The following MAP4K3 variants were observed in gnomAD, a reference collection of about 807,000 sequenced individuals.
MAP4K3 encodes MAPK/ERK kinase kinase kinase 3.
Under a neutral mutation model 143.5 loss-of-function variants are expected in MAP4K3, and 94 were observed. The observed-to-expected ratio is 0.65, with a 90% CI of 0.55 to 0.78. The LOEUF (loss-of-function observed/expected upper bound fraction) is 0.78. Among genes scored for constraint, MAP4K3 ranks in the 30% least tolerant of loss-of-function variants. The probability of loss-of-function intolerance (pLI) is 0.00; values close to 1 mark genes in which losing one functional copy is unlikely to be tolerated. For synonymous variants in MAP4K3, 416 were observed against 347.2 expected (o/e 1.20, Z -2.20); for missense variants, 1,077 against 1,068.1 (o/e 1.01, Z -0.12).
At chr2:39,307,099 TA>T (rs1176645819) in intron 15 of MAP4K3, among the ~76,000 whole-genome samples, 9 of 152,304 alleles carry the variant, frequency 5.9e-5, no homozygotes, top group African/African-American at 2.2e-4. Flanking sequence ...AAGAATCATT[TA>T]AGCCAATCAA....
chr2:39,295,064 C>CT (rs974064814), intron 16 of MAP4K3, among the ~76,000 whole-genome samples: 93 of 150,730 alleles, frequency 6.2e-4, no homozygotes, highest in Middle Eastern at 3.5e-3. Context: ...AACAATGCTA[C>CT]TTTTTTTTAC....
Position 39,258,415 on chromosome 2 carries a change from T to C in MAP4K3, c.2403A>G (p.Gln801=). Residue 801 remains glutamine, a synonymous_variant, in exon 31 of 34, where the codon CAA becomes CAG. Transcript: ENST00000263881. ...ATTTCCTGCTAGATTTTAATCTTCCTTGGAGATTTACTATTTTTATACAAC... is the reference window on the plus strand; with the variant it reads ...ATTTCCTGCTAGATTTTAATCTTCCCTGGAGATTTACTATTTTTATACAAC... ...LDCCIKIVNL[Q]GRLKSSRKLS... 6.2e-7 allele frequency: 1 copy of C among 1,610,814 alleles called. No individual in the cohort carries two copies. The highest frequency in any genetic ancestry group is 8.5e-7 in the Non-Finnish European group (1 of 1,178,092).
At chr2:39,420,557 C>T (rs1017862767) in intron 1 of MAP4K3, among the ~76,000 whole-genome samples, 2 of 151,544 alleles carry the variant, frequency 1.3e-5, no homozygotes, top group African/African-American at 4.8e-5. Context: ...GCTAGGACTA[C>T]AGGCATGTGC....
rs913127874 is a variant in MAP4K3, at chr2:39,292,777, T to C, written c.1267A>G (p.Lys423Glu). 3.1e-6 allele frequency: 5 copies of C among 1,613,122 alleles called. No homozygotes were observed. The highest frequency in any genetic ancestry group is 3.4e-6 in the Non-Finnish European group (4 of 1,179,238). The change falls in exon 18 of 34, where the codon AAA becomes GAA. Residue 423 changes from lysine (K) to glutamate (E), a missense_variant. Lys to Glu is a moderately conservative substitution (Grantham distance 56, BLOSUM62 1). Coordinates refer to ENST00000263881, the MANE Select transcript of MAP4K3 (RefSeq NM_003618.4). ...AAAAACAGAGACAGAACTTACTGTT[T>C]AGATTCATCATCATCTCCTTCATCA... ...EDDEGDDDESKHSTLKAKIPP... is the reference protein window; with the variant it reads ...EDDEGDDDESEHSTLKAKIPP...
At chr2:39,362,086 A>C (rs953190347) in intron 2 of MAP4K3, among the ~76,000 whole-genome samples, 1 of 152,118 alleles carries the variant, frequency 6.6e-6, no homozygotes, top group South Asian at 2.1e-4. Flanking sequence ...TCCTGAAAAA[A>C]TTATACTTAA....
At chr2:39,338,021 C>G (rs1558654251) in intron 4 of MAP4K3, among the ~76,000 whole-genome samples, 1 of 152,016 alleles carries the variant, frequency 6.6e-6, no homozygotes, top group Admixed American at 6.6e-5. Flanking sequence ...CCTCAGCCTC[C>G]TGAAGTGCTG....
chr2:39,313,926 T>C (rs1434202678), intron 13 of MAP4K3, among the ~76,000 whole-genome samples: 2 of 152,222 alleles, frequency 1.3e-5, no homozygotes, highest in Non-Finnish European at 2.9e-5. Flanking sequence ...GGACTGACAA[T>C]GTAATTTTTT....
chr2:39,392,410 T>C (rs553822551), intron 1 of MAP4K3, among the ~76,000 whole-genome samples: 1 of 152,164 alleles, frequency 6.6e-6, no homozygotes, highest in Non-Finnish European at 1.5e-5. Context: ...TTGCCTATTA[T>C]ATAAATTATC....
chr2:39,403,553 A>G (rs560723014), intron 1 of MAP4K3, among the ~76,000 whole-genome samples: 2 of 152,268 alleles, frequency 1.3e-5, no homozygotes, highest in South Asian at 4.1e-4. Context: ...AGCCCTAGCC[A>G]GAAGGGAAGT....
intron 13 of MAP4K3, among the ~76,000 whole-genome samples, chr2:39,313,346 C>G (rs1284729531): frequency 1.3e-5 from 2 of 152,096 alleles, no homozygotes; most frequent in African/African-American, 4.8e-5. Context: ...CCAATAGTTA[C>G]TTTTTCTGAT....
At chr2:39,319,750 A>T (rs928454815) in intron 12 of MAP4K3, among the ~76,000 whole-genome samples, 3 of 152,212 alleles carry the variant, frequency 2.0e-5, no homozygotes, top group Non-Finnish European at 2.9e-5. Flanking sequence ...AACCTAGACA[A>T]ATGAAATTAC....
rs968715787 is a variant in MAP4K3 at position 39,437,172 on chromosome 2, G to T, written c.-185C>A. 7.8e-6 allele frequency: 3 copies of T among 386,592 alleles called. No homozygotes were observed. Among genetic ancestry groups the T allele is most frequent in the Non-Finnish European group, 1.3e-5 (3 of 222,436 alleles). 23.9% of individuals were successfully genotyped at this position (386,592 alleles called of 1,614,324 possible). ...CACGCCGCTGCGGACGACGACAAGCGGCCAATCGTCCCCGCCCCCCGCGGC... is the reference window on the plus strand; with the variant it reads ...CACGCCGCTGCGGACGACGACAAGCTGCCAATCGTCCCCGCCCCCCGCGGC... On this transcript the variant is annotated 5_prime_UTR_variant, in exon 1 of 34. Coordinates refer to ENST00000263881, the MANE Select transcript of MAP4K3 (RefSeq NM_003618.4).
At chr2:39,370,908 T>C (rs545017195) in intron 2 of MAP4K3, among the ~76,000 whole-genome samples, 1 of 152,316 alleles carries the variant, frequency 6.6e-6, no homozygotes, top group East Asian at 1.9e-4. Flanking sequence ...CTATAACTTA[T>C]TTATATAATA....
intron 12 of MAP4K3, among the ~76,000 whole-genome samples, chr2:39,321,607 A>G (rs182086801): frequency 6.4e-4 from 98 of 152,300 alleles, no homozygotes; most frequent in African/African-American, 2.2e-3. Flanking sequence ...GAGGATTAGT[A>G]TAAGAGGAAG....
At chr2:39,345,907 G>C (rs1166471563) in intron 3 of MAP4K3, among the ~76,000 whole-genome samples, 6 of 112,356 alleles carry the variant, frequency 5.3e-5, no homozygotes, top group African/African-American at 7.2e-5. Flanking sequence ...GAGTGACAGA[G>C]CTAGACTCTG....
At chr2:39,354,093 G>A (rs866057241) in intron 3 of MAP4K3, among the ~76,000 whole-genome samples, 1 of 152,004 alleles carries the variant, frequency 6.6e-6, no homozygotes, top group Non-Finnish European at 1.5e-5. Flanking sequence ...GGGTTATCCT[G>A]GAATAACAGG....
intron 2 of MAP4K3, among the ~76,000 whole-genome samples, chr2:39,368,503 CA>C (rs202108886): frequency 0.018 from 2,757 of 151,250 alleles, 31 homozygotes; most frequent in South Asian, 0.026. Flanking sequence ...CCAGTCTCTA[CA>C]AAAAAAACTA....
At chr2:39,315,240 A>C in intron 13 of MAP4K3, 70 bp downstream of exon 13, 1 of 1,132,734 alleles carries the variant, frequency 8.8e-7, no homozygotes. Context: ...AATAAAACAA[A>C]AATAACTGTA....
chr2:39,310,108 T>C (rs1395726234), intron 13 of MAP4K3, among the ~76,000 whole-genome samples: 1 of 152,262 alleles, frequency 6.6e-6, no homozygotes, highest in Non-Finnish European at 1.5e-5. Flanking sequence ...ACCATTTCTT[T>C]GTGTTGGGAA....
Sources: gnomAD v4.1 joint callset for allele counts (sites outside exome capture counted in the v4.1 genomes callset) on GRCh38, gnomAD v4.1.1 for gene constraint, MANE v1.5 for transcripts, NCBI Gene and HGNC (gene_info 2026-07-23, HGNC 2026-07-21) for gene names.